Variants in FBXO28 observed in about 807,000 individuals in gnomAD.
The protein encoded by FBXO28 is F-box only protein 28.
A neutral mutation model predicts 38.1 loss-of-function variants in FBXO28; 8 were observed. That is an observed-to-expected ratio of 0.21 (90% CI 0.12 to 0.38). The LOEUF is 0.38. Ranked by LOEUF, FBXO28 falls within the 10% of genes least tolerant of loss-of-function variation. FBXO28 has a pLI of 1.00. For missense variants in FBXO28, 345 were observed against 460.6 expected, an observed-to-expected ratio of 0.75 and a Z score of 2.30; for synonymous variants, 168 against 173.8, an observed-to-expected ratio of 0.97 and a Z score of 0.26.
chr1:224,146,545 G>C (rs892222840), intron 3 of FBXO28, among the ~76,000 whole-genome samples: 1 of 152,098 alleles, frequency 6.6e-6, no homozygotes, highest in Non-Finnish European at 1.5e-5. Context: ...TACTTCTACT[G>C]TGTGTTAGAA....
chr1:224,153,118 G>A (rs2102634984), intron 3 of FBXO28, 24 bp from the exon 4 acceptor site: 1 of 1,556,738 alleles, frequency 6.4e-7, no homozygotes, highest in East Asian at 2.3e-5. Context: ...AATCTAAAGT[G>A]CTAATGAGAA....
intron 3 of FBXO28, among the ~76,000 whole-genome samples, chr1:224,136,938 G>A (rs1657205621): frequency 6.6e-6 from 1 of 151,198 alleles, no homozygotes; most frequent in African/African-American, 2.4e-5. Flanking sequence ...TTTTAGTAGA[G>A]ACGAGGTTTC....
rs1428883105 is a variant in FBXO28, at chr1:224,143,072, G to A, written c.516+8860G>A. 2.6e-5 allele frequency among the ~76,000 whole-genome samples: 4 copies of A among 151,898 alleles called. No homozygotes were observed. The East Asian group carries it at 5.8e-4, about 22-fold the overall frequency. On this transcript the variant is annotated intron_variant, in intron 3 of 4. Transcript: ENST00000366862. The stretch of plus-strand genomic sequence containing the variant: ...TAAATAAATAAGCAACCAAGCAAGC[G>A]TGCGGTGGTGCGGGCCTGTAGTCCC...
chr1:224,138,182 C>T (rs1394803392), intron 3 of FBXO28, among the ~76,000 whole-genome samples: 7 of 150,834 alleles, frequency 4.6e-5, no homozygotes, highest in Non-Finnish European at 8.9e-5. Flanking sequence ...GAGCCGAGAT[C>T]ACACTGGTGC....
Position 224,118,000 on chromosome 1 carries a change from AATTTATTTATTT to A in FBXO28, c.267+3625_267+3636del, listed in dbSNP as rs538990108. Among the ~76,000 whole-genome samples the A allele has an allele frequency of 4.7e-3, 271 of 57,380 alleles. 2 individuals carry two copies. Among genetic ancestry groups the A allele is most frequent in the African/African-American group, 0.012 (258 of 22,006 alleles). 37.6% of individuals were successfully genotyped at this position (57,380 alleles called of 152,430 possible). ...TAGGGAGCTTTTTAATTAATTAATTAATTTATTTATTTATTTATTTATTTATTTATTTTTAAT... is the reference window on the plus strand; with the variant it reads ...TAGGGAGCTTTTTAATTAATTAATTAATTTATTTATTTATTTATTTTTAAT... On this transcript the variant is annotated intron_variant, in intron 1 of 4. Transcript: ENST00000366862.
intron 1 of FBXO28, among the ~76,000 whole-genome samples, chr1:224,115,823 C>T (rs115695271): frequency 0.018 from 2,783 of 152,142 alleles, 92 homozygotes; most frequent in African/African-American, 0.061. Flanking sequence ...CAGACAATGG[C>T]TTTGTAAATC....
intron 3 of FBXO28, 33 bp downstream of exon 3, chr1:224,134,245 A>ACTG: frequency 6.2e-7 from 1 of 1,605,072 alleles, no homozygotes; most frequent in Non-Finnish European, 8.5e-7. Flanking sequence ...GAACAGCTGG[A>ACTG]CTGCCCTACA....
chr1:224,153,070 C>A, intron 3 of FBXO28, 72 bp from the exon 4 acceptor site: 1 of 1,246,842 alleles, frequency 8.0e-7, no homozygotes, highest in Admixed American at 2.4e-5. Context: ...GCAGTTACTT[C>A]TCTGCCTGTT....
intron 4 of FBXO28, among the ~76,000 whole-genome samples, chr1:224,156,831 C>T (rs1657784659): frequency 6.6e-6 from 1 of 152,084 alleles, no homozygotes; most frequent in Non-Finnish European, 1.5e-5. Context: ...AACCCCATCT[C>T]TACTAAAAAT....
At position 224,157,806 on chromosome 1, in the gene FBXO28, A is replaced by G. The variant is rs1657806471; in HGVS notation, c.*60A>G. 1 of 1,525,702 alleles carries G rather than the reference A, an allele frequency of 6.6e-7. No individual in the cohort carries two copies. Among genetic ancestry groups the G allele is most frequent in the Non-Finnish European group, 8.8e-7 (1 of 1,142,062 alleles). 94.5% of individuals were successfully genotyped at this position (1,525,702 alleles called of 1,614,324 possible). On this transcript the variant is annotated 3_prime_UTR_variant, in exon 5 of 5. Coordinates refer to ENST00000366862, the MANE Select transcript of FBXO28 (RefSeq NM_015176.4). The stretch of plus-strand genomic sequence containing the variant: ...AGCTTAGTAGCTTAAGCAGTTATGC[A>G]TATCAGGATACTGTGAGCAACATGG...
chr1:224,134,234 A>G (rs755791626), intron 3 of FBXO28, 22 bp downstream of exon 3: 1 of 1,610,344 alleles, frequency 6.2e-7, no homozygotes, highest in Admixed American at 1.7e-5. Context: ...TTGCTTGCCT[A>G]GAACAGCTGG....
chr1:224,153,067 C>T, intron 3 of FBXO28, 75 bp from the exon 4 acceptor site: 5 of 1,204,886 alleles, frequency 4.1e-6, no homozygotes, highest in South Asian at 1.5e-5. Flanking sequence ...CAAGCAGTTA[C>T]TTCTCTGCCT....
chr1:224,137,237 A>G (rs1035767621), intron 3 of FBXO28, among the ~76,000 whole-genome samples: 7 of 151,598 alleles, frequency 4.6e-5, no homozygotes, highest in African/African-American at 1.5e-4. Context: ...TTAAAGTAAT[A>G]GTTGGGACTG....
intron 3 of FBXO28, among the ~76,000 whole-genome samples, chr1:224,141,278 C>G (rs1187218528): frequency 2.0e-5 from 3 of 152,058 alleles, no homozygotes; most frequent in Non-Finnish European, 4.4e-5. Context: ...GGAGACCATC[C>G]TGGCTAACAG....
At chr1:224,147,433 A>G (rs897888267) in intron 3 of FBXO28, among the ~76,000 whole-genome samples, 5 of 151,446 alleles carry the variant, frequency 3.3e-5, no homozygotes, top group African/African-American at 1.2e-4. Flanking sequence ...AAAAAAAAAA[A>G]AGAGAAGAAA....
chr1:224,127,878 A>G (rs565412389), intron 1 of FBXO28, among the ~76,000 whole-genome samples: 3 of 152,328 alleles, frequency 2.0e-5, no homozygotes, highest in African/African-American at 7.2e-5. Context: ...CTGCACTTCA[A>G]CCTGGGTGAC....
chr1:224,127,222 C>T lies in FBXO28; in HGVS notation c.268-3250C>T, dbSNP rs995598574. Among the ~76,000 whole-genome samples the T allele has an allele frequency of 4.0e-5, 6 of 149,232 alleles. No homozygotes were observed. The South Asian group carries it at 8.5e-4, about 21-fold the overall frequency. ...TGTGTGTGTGTGTTTATGTTTGGCA[C>T]GCTTATTTTTTCCACAAGTATACAT... is the stretch of plus-strand genomic sequence containing the variant. On this transcript the variant is annotated intron_variant, in intron 1 of 4. Coordinates refer to ENST00000366862, the MANE Select transcript of FBXO28 (RefSeq NM_015176.4).
rs1657870451 is a variant in FBXO28, at chr1:224,160,078, C to T, written c.*2332C>T. 1 of 152,174 alleles carries T rather than the reference C, an allele frequency of 6.6e-6. No homozygotes were observed. The allele number at this position is 152,174 out of a possible 1,614,324, so 9.4% of individuals were successfully genotyped here. On this transcript the variant is annotated 3_prime_UTR_variant, in exon 5 of 5. Coordinates refer to ENST00000366862, the MANE Select transcript of FBXO28 (RefSeq NM_015176.4). ...AGCACTACAGTTCGGTTGTTCAAAT[C>T]TTAAATCTTAGGCTATTTAGCTAAA...
intron 3 of FBXO28, among the ~76,000 whole-genome samples, chr1:224,149,052 CCTATT>C (rs749673379): frequency 1.4e-4 from 22 of 152,268 alleles, no homozygotes; most frequent in South Asian, 4.2e-4. Flanking sequence ...TTACAACAGT[CCTATT>C]CTAGCCCAAA....
Sources: gnomAD v4.1 joint callset for allele counts (sites outside exome capture counted in the v4.1 genomes callset) on GRCh38, gnomAD v4.1.1 for gene constraint, MANE v1.5 for transcripts, NCBI Gene and HGNC (gene_info 2026-07-23, HGNC 2026-07-21) for gene names.